TACC2: variants seen among roughly 807,000 people sequenced by gnomAD.
TACC2 encodes the protein transforming acidic coiled-coil-containing protein 2.
A neutral mutation model predicts 227.3 loss-of-function variants in TACC2; 137 were observed. That is an observed-to-expected ratio of 0.60 (90% confidence interval 0.52 to 0.69). The LOEUF is 0.69. TACC2 is among the 30% of genes least tolerant of loss of function. The pLI is 0.00. For synonymous variants in TACC2, 1,523 were observed against 1,487.5 expected (o/e 1.02, Z -0.55); for missense variants, 3,470 against 3,694.4 (o/e 0.94, Z 1.57).
Position 122,215,456 on chromosome 10 carries a change from A to T in TACC2, c.7344+5A>T. 6.2e-7 allele frequency: 1 copy of T among 1,613,424 alleles called. No homozygotes were observed. Among genetic ancestry groups the T allele is most frequent in the Non-Finnish European group, 8.5e-7 (1 of 1,179,452 alleles). On this transcript the variant is annotated splice_donor_5th_base_variant and intron_variant, in intron 10 of 22. Coordinates refer to ENST00000369005, the MANE Select transcript of TACC2 (RefSeq NM_206862.4). ...CTCTCTGATCCACCTTCCCAGGTAC[A>T]GTGTTCCTTTGATCTTGATGGTTTT...
chr10:122,049,807 G>A (rs1172549034), intron 2 of TACC2, among the ~76,000 whole-genome samples: 1 of 150,456 alleles, frequency 6.6e-6, no homozygotes, highest in Non-Finnish European at 1.5e-5. Flanking sequence ...TTTGCATCCT[G>A]GTTTTAAAAA....
chr10:122,112,158 A>G (rs2083724023), intron 5 of TACC2, among the ~76,000 whole-genome samples: 1 of 152,108 alleles, frequency 6.6e-6, no homozygotes, highest in Non-Finnish European at 1.5e-5. Flanking sequence ...GCTTTCTGTG[A>G]CACTAAAAAT....
chr10:122,041,183 A>G (rs1273729889), intron 2 of TACC2, among the ~76,000 whole-genome samples: 3 of 152,210 alleles, frequency 2.0e-5, no homozygotes, highest in African/African-American at 7.2e-5. Flanking sequence ...GGAAAGTGCC[A>G]TATATATGTG....
chr10:122,225,271 G>T (rs1207165161), intron 12 of TACC2, among the ~76,000 whole-genome samples: 1 of 152,236 alleles, frequency 6.6e-6, no homozygotes, highest in Non-Finnish European at 1.5e-5. Context: ...ACCTCTTGCT[G>T]TTGTCAGCGA....
At chr10:121,993,028 C>T (rs1953099220) in intron 1 of TACC2, among the ~76,000 whole-genome samples, 1 of 151,620 alleles carries the variant, frequency 6.6e-6, no homozygotes, top group South Asian at 2.1e-4. Context: ...TCATTCAAAA[C>T]TCTCTGGGAA....
intron 5 of TACC2, among the ~76,000 whole-genome samples, chr10:122,107,993 GCCATTCT>G (rs964519458): frequency 6.8e-6 from 1 of 147,138 alleles, no homozygotes; most frequent in Non-Finnish European, 1.5e-5. Context: ...CTGGGTTCAC[GCCATTCT>G]CCCTCCTCAG....
intron 1 of TACC2, among the ~76,000 whole-genome samples, chr10:122,018,048 G>T (rs979572734): frequency 1.3e-4 from 19 of 148,526 alleles, no homozygotes; most frequent in Non-Finnish European, 2.8e-4. Flanking sequence ...AGAACGTGCA[G>T]GTTTGTTACA....
chr10:122,016,566 TAA>T lies in TACC2; in HGVS notation c.-45-5353_-45-5352del, dbSNP rs35641018. Among the ~76,000 whole-genome samples, 627 of 135,114 alleles carry T rather than the reference TAA, an allele frequency of 4.6e-3. 2 individuals carry two copies. Among genetic ancestry groups the T allele is most frequent in the African/African-American group, 0.016 (574 of 36,796 alleles). The allele number at this position is 135,114 out of a possible 152,430, so 88.6% of individuals were successfully genotyped here. Reference sequence around the variant, plus strand: ...TGGACGACAGAATGAGACTCTGTCTTAAAAAAAAAAAAAAAAAAAGTCAGTCC... The same window carrying T: ...TGGACGACAGAATGAGACTCTGTCTTAAAAAAAAAAAAAAAAAGTCAGTCC... On this transcript the variant is annotated intron_variant, in intron 1 of 22. Coordinates refer to ENST00000369005, the MANE Select transcript of TACC2 (RefSeq NM_206862.4).
At chr10:122,121,405 G>T (rs1437167884) in intron 5 of TACC2, among the ~76,000 whole-genome samples, 1 of 152,148 alleles carries the variant, frequency 6.6e-6, no homozygotes, top group East Asian at 1.9e-4. Flanking sequence ...GCTCCGAGAG[G>T]ATCTTTTTCA....
intron 19 of TACC2, chr10:122,246,531 C>T (rs1211199791): frequency 6.6e-6 from 1 of 152,152 alleles, no homozygotes; most frequent in Admixed American, 6.5e-5. Context: ...ATGATCACGG[C>T]TTCAGGCTTG....
At chr10:122,247,959 G>A (rs1403055515) in intron 19 of TACC2, 1 of 152,228 alleles carries the variant, frequency 6.6e-6, no homozygotes, top group Non-Finnish European at 1.5e-5. Context: ...GGCCGGAGAG[G>A]TGGGGCAGAG....
intron 3 of TACC2, among the ~76,000 whole-genome samples, chr10:122,073,911 C>A (rs3862121): frequency 0.11 from 17,134 of 151,990 alleles, 1,150 homozygotes; most frequent in Middle Eastern, 0.2. Flanking sequence ...TCCCAAGTAG[C>A]TGGGACTACA....
chr10:122,113,145 C>T (rs1163567374), intron 5 of TACC2: 2 of 152,522 alleles, frequency 1.3e-5, no homozygotes, highest in South Asian at 2.1e-4. Flanking sequence ...CCACCGGGCT[C>T]GGAAAACCCA....
intron 7 of TACC2, among the ~76,000 whole-genome samples, chr10:122,175,816 C>T (rs1329651564): frequency 6.6e-6 from 1 of 152,164 alleles, no homozygotes; most frequent in African/African-American, 2.4e-5. Flanking sequence ...CTTGTAATCC[C>T]AGCACTTCAG....
intron 5 of TACC2, among the ~76,000 whole-genome samples, chr10:122,094,472 T>TC (rs1224855949): frequency 6.6e-6 from 1 of 152,106 alleles, no homozygotes; most frequent in Non-Finnish European, 1.5e-5. Context: ...AGAGATGGCG[T>TC]CTCACTATGT....
At position 122,087,605 on chromosome 10, in the gene TACC2, C is replaced by A. The variant is rs762801574; in HGVS notation, c.5105C>A (p.Ala1702Asp). 1.2e-6 allele frequency: 2 copies of A among 1,613,584 alleles called. No homozygotes were observed. The highest frequency in any genetic ancestry group is 3.3e-5 in the Admixed American group (2 of 60,020). ...PLEPGKVAGAAGEAEGDITLS... is the reference protein window; with the variant it reads ...PLEPGKVAGADGEAEGDITLS... ...GAGCCTGGCAAGGTGGCAGGCGCTG[C>A]TGGGGAAGCAGAGGGTGACATCACC... The change falls in exon 4 of 23, where the codon GCT (alanine) becomes GAT (aspartate). Residue 1702 changes from alanine to aspartate, a missense_variant. Physicochemically the swap from Ala to Asp is moderately radical, Grantham distance 126. Transcript: ENST00000369005.
intron 5 of TACC2, among the ~76,000 whole-genome samples, chr10:122,113,639 C>G (rs1378860663): frequency 6.6e-6 from 1 of 152,260 alleles, no homozygotes; most frequent in Non-Finnish European, 1.5e-5. Flanking sequence ...CCACCGGGCT[C>G]TTTCCCAGCT....
chr10:122,143,786 T>A, intron 7 of TACC2, 80 bp downstream of exon 7: 1 of 1,475,136 alleles, frequency 6.8e-7, no homozygotes, highest in Non-Finnish European at 9.2e-7. Flanking sequence ...GGTCTTGGGG[T>A]GAGCCGCATT....
chr10:122,061,154 A>G (rs2076769936), intron 3 of TACC2, among the ~76,000 whole-genome samples: 1 of 142,918 alleles, frequency 7.0e-6, no homozygotes, highest in Non-Finnish European at 1.5e-5. Context: ...CTAAAAATGC[A>G]AAAAAAATTA....
Sources: gnomAD v4.1 joint callset for allele counts (sites outside exome capture counted in the v4.1 genomes callset) on GRCh38, gnomAD v4.1.1 for gene constraint, MANE v1.5 for transcripts, NCBI Gene and HGNC (gene_info 2026-07-23, HGNC 2026-07-21) for gene names.